Variants in ROBO2 observed in about 807,000 individuals in gnomAD.
ROBO2 encodes roundabout guidance receptor 2, also known as roundabout homolog 2.
ROBO2 carries 53 observed loss-of-function variants against 160.8 expected under a neutral mutation model. The observed-to-expected ratio is 0.33, with a 90% CI of 0.26 to 0.41. ROBO2 has a LOEUF of 0.41. Among genes scored for constraint, ROBO2 ranks in the 10% least tolerant of loss-of-function variants. The pLI is 1.00. For synonymous variants in ROBO2, 664 were observed against 611.7 expected, an observed-to-expected ratio of 1.09 and a Z score of -1.26; for missense variants, 1,577 against 1,722.4, an observed-to-expected ratio of 0.92 and a Z score of 1.49.
intron 2 of ROBO2, among the ~76,000 whole-genome samples, chr3:76,799,528 G>A (rs1400592531): frequency 6.7e-6 from 1 of 150,212 alleles, no homozygotes; most frequent in Non-Finnish European, 1.5e-5. Flanking sequence ...CAGTAAAGTG[G>A]CAGGATACAA....
chr3:76,253,802 C>G (rs1309377128), intron 2 of ROBO2, among the ~76,000 whole-genome samples: 2 of 151,512 alleles, frequency 1.3e-5, no homozygotes, highest in East Asian at 3.9e-4. Context: ...AGAAATCTCT[C>G]TTGGTGTGAA....
chr3:77,294,864 GT>G (rs1331328717), intron 2 of ROBO2, among the ~76,000 whole-genome samples: 2 of 140,308 alleles, frequency 1.4e-5, no homozygotes, highest in African/African-American at 2.7e-5. Flanking sequence ...GGCTAGAACA[GT>G]AAAGACATAA....
At chr3:76,383,057 C>T (rs1050202421) in intron 2 of ROBO2, among the ~76,000 whole-genome samples, 2 of 152,040 alleles carry the variant, frequency 1.3e-5, no homozygotes, top group Admixed American at 6.6e-5. Flanking sequence ...AATTTGTAAG[C>T]CATTGAAAAC....
chr3:77,489,989 T>C (rs1415745614), intron 4 of ROBO2, among the ~76,000 whole-genome samples: 2 of 152,184 alleles, frequency 1.3e-5, no homozygotes, highest in Non-Finnish European at 2.9e-5. Flanking sequence ...CTGCAAGTAA[T>C]GGTGGCTTTG....
chr3:76,447,537 A>G (rs1040163021), intron 2 of ROBO2, among the ~76,000 whole-genome samples: 1 of 149,872 alleles, frequency 6.7e-6, no homozygotes, highest in Non-Finnish European at 1.5e-5. Flanking sequence ...CCATCCCATT[A>G]CTGAGTATAT....
At chr3:76,597,407 C>T (rs2086806520) in intron 2 of ROBO2, among the ~76,000 whole-genome samples, 1 of 151,722 alleles carries the variant, frequency 6.6e-6, no homozygotes, top group African/African-American at 2.4e-5. Flanking sequence ...TCTTAAAACT[C>T]AATAGTAAAA....
intron 2 of ROBO2, among the ~76,000 whole-genome samples, chr3:77,229,677 A>G (rs200345811): frequency 6.6e-6 from 1 of 151,156 alleles, no homozygotes; most frequent in East Asian, 1.9e-4. Context: ...AAAAAAAAAA[A>G]AGAGAGAGAA....
chr3:76,195,738 C>G (rs886968921), intron 2 of ROBO2, among the ~76,000 whole-genome samples: 4 of 152,318 alleles, frequency 2.6e-5, no homozygotes, highest in African/African-American at 9.6e-5. Context: ...GAACTCAGAT[C>G]TCTCTGCCTA....
chr3:76,626,818 G>A (rs146636841), intron 2 of ROBO2, among the ~76,000 whole-genome samples: 156 of 151,902 alleles, frequency 1.0e-3, no homozygotes, highest in African/African-American at 3.4e-3. Flanking sequence ...TCAGCCTCCC[G>A]AGTAGCTGGG....
chr3:76,869,341 T>TC (rs1559626807), intron 2 of ROBO2, among the ~76,000 whole-genome samples: 2,233 of 120,830 alleles, frequency 0.018, 98 homozygotes, highest in East Asian at 0.071. Context: ...TAGAAATTGA[T>TC]GTTTTTTTTT....
intron 2 of ROBO2, among the ~76,000 whole-genome samples, chr3:76,985,217 T>C (rs2060306013): frequency 6.6e-6 from 1 of 152,126 alleles, no homozygotes; most frequent in East Asian, 1.9e-4. Context: ...TAAAGTGAGC[T>C]AAAATATATG....
chr3:77,244,827 G>A (rs542619615), intron 2 of ROBO2, among the ~76,000 whole-genome samples: 2 of 145,896 alleles, frequency 1.4e-5, no homozygotes, highest in Admixed American at 7.0e-5. Context: ...GCAGTGAGCC[G>A]AGATCCTGCC....
chr3:77,557,862 T>C lies in ROBO2; in HGVS notation c.1232-82T>C, dbSNP rs1364113015. On this transcript the variant is annotated intron_variant, in intron 8 of 25. Transcript: ENST00000461745. ...AGTAATATATATTGTGTTGGGGCTT[T>C]AACCTTACTTTCAGTGTCAATATAT... 2.7e-6 allele frequency: 3 copies of C among 1,093,140 alleles called. No homozygotes were observed. The African/African-American group carries it at 4.6e-5, about 17-fold the overall frequency. 67.7% of individuals were successfully genotyped at this position (1,093,140 alleles called of 1,614,324 possible).
intron 2 of ROBO2, among the ~76,000 whole-genome samples, chr3:76,469,573 A>G (rs2078543452): frequency 6.6e-6 from 1 of 151,996 alleles, no homozygotes; most frequent in Admixed American, 6.6e-5. Context: ...TCTCTTTGCA[A>G]TACTTATTAT....
chr3:75,935,631 G>A (rs1439671737), intron 1 of ROBO2, among the ~76,000 whole-genome samples: 1 of 152,104 alleles, frequency 6.6e-6, no homozygotes, highest in Non-Finnish European at 1.5e-5. Context: ...CTTGGGAAAG[G>A]CTGTTGATTT....
At chr3:77,634,826 A>G (rs2095235525) in intron 23 of ROBO2, 44 bp from the exon 25 acceptor site, 2 of 1,578,774 alleles carry the variant, frequency 1.3e-6, no homozygotes, top group African/African-American at 2.7e-5. Context: ...TCAGTGTGCT[A>G]TAATGTCATT....
chr3:77,424,948 A>G (rs1230896512), intron 2 of ROBO2, among the ~76,000 whole-genome samples: 1 of 152,194 alleles, frequency 6.6e-6, no homozygotes, highest in Non-Finnish European at 1.5e-5. Context: ...AGAAAAGGCA[A>G]CACAAGTATC....
At chr3:76,953,254 G>A (rs56110319) in intron 2 of ROBO2, among the ~76,000 whole-genome samples, 24,089 of 151,912 alleles carry the variant, frequency 0.16, 2,000 homozygotes, top group South Asian at 0.19. Flanking sequence ...GTGCATTTTC[G>A]TTTAAAATAA....
intron 2 of ROBO2, among the ~76,000 whole-genome samples, chr3:76,015,642 T>C (rs1393566596): frequency 1.3e-5 from 2 of 152,214 alleles, no homozygotes; most frequent in Non-Finnish European, 2.9e-5. Flanking sequence ...AAATTTAGTA[T>C]GCGACACAAA....
Sources: allele counts gnomAD v4.1 joint callset (sites outside exome capture counted in the v4.1 genomes callset), GRCh38; gene constraint gnomAD v4.1.1; transcripts MANE v1.5; gene names NCBI Gene and HGNC (gene_info 2026-07-23, HGNC 2026-07-21).